CALB2: variants seen among roughly 807,000 people sequenced by gnomAD.
The protein encoded by CALB2 is calbindin 2, also known as calretinin.
Under a neutral mutation model 45.9 loss-of-function variants are expected in CALB2, and 34 were observed. The observed-to-expected ratio is 0.74, with a 90% CI of 0.56 to 0.99. CALB2 has a LOEUF of 0.99. Among genes scored for constraint, CALB2 ranks in the 50% least tolerant of loss-of-function variants. CALB2 has a pLI of 0.00. For synonymous variants in CALB2, 142 were observed against 129.6 expected (o/e 1.10, Z -0.65); for missense variants, 344 against 339.3 (o/e 1.01, Z -0.11).
intron 1 of CALB2, among the ~76,000 whole-genome samples, chr16:71,359,333 C>A (rs2042215090): frequency 6.6e-6 from 1 of 152,156 alleles, no homozygotes; most frequent in African/African-American, 2.4e-5. Flanking sequence ...ATTAGGGGAT[C>A]CTGAAGGGAA....
chr16:71,375,617 T>C (rs1277632099), intron 3 of CALB2, among the ~76,000 whole-genome samples: 1 of 152,172 alleles, frequency 6.6e-6, no homozygotes, highest in African/African-American at 2.4e-5. Flanking sequence ...GGGTATATTG[T>C]TGGGATGCTG....
intron 5 of CALB2, among the ~76,000 whole-genome samples, chr16:71,383,082 C>T (rs981022788): frequency 6.6e-6 from 1 of 152,166 alleles, no homozygotes; most frequent in African/African-American, 2.4e-5. Flanking sequence ...CTGGCTATCA[C>T]CCAGTGATTC....
intron 6 of CALB2, 27 bp downstream of exon 6, chr16:71,383,471 C>T (rs752772941): frequency 6.2e-7 from 1 of 1,608,060 alleles, no homozygotes; most frequent in South Asian, 1.1e-5. Context: ...GTCCCTCTCC[C>T]CCAGGGTGCA....
intron 10 of CALB2, among the ~76,000 whole-genome samples, chr16:71,386,868 CT>C (rs1422579819): frequency 6.6e-6 from 1 of 152,138 alleles, no homozygotes; most frequent in Non-Finnish European, 1.5e-5. Flanking sequence ...TTTATTTCAT[CT>C]TTTTTATTTA....
chr16:71,363,855 G>A (rs184639872), intron 1 of CALB2, among the ~76,000 whole-genome samples: 23 of 152,306 alleles, frequency 1.5e-4, no homozygotes, highest in African/African-American at 5.3e-4. Flanking sequence ...AACAGGGTCC[G>A]ACACTGGGAA....
chr16:71,372,017 C>T (rs887991278), intron 1 of CALB2, 136 bp from the exon 2 acceptor site: 2 of 680,082 alleles, frequency 2.9e-6, no homozygotes, highest in East Asian at 2.6e-5. Flanking sequence ...GACCCACACC[C>T]CTAGCTCCAC....
intron 4 of CALB2, among the ~76,000 whole-genome samples, chr16:71,380,236 C>T (rs1205155623): frequency 1.4e-5 from 2 of 147,750 alleles, no homozygotes; most frequent in Non-Finnish European, 3.0e-5. Flanking sequence ...AGTGGCTTCT[C>T]TCTGTGCAGC....
chr16:71,370,896 T>C (rs2042343090), intron 1 of CALB2, among the ~76,000 whole-genome samples: 1 of 152,126 alleles, frequency 6.6e-6, no homozygotes, highest in African/African-American at 2.4e-5. Flanking sequence ...TAGTAGACCA[T>C]CCAGGCTCAA....
intron 3 of CALB2, among the ~76,000 whole-genome samples, chr16:71,375,300 A>C (rs957215706): frequency 2.6e-5 from 4 of 152,250 alleles, no homozygotes; most frequent in Non-Finnish European, 5.9e-5. Flanking sequence ...CCATGTATAC[A>C]TATATACATT....
At position 71,384,801 on chromosome 16, in the gene CALB2, G is replaced by A. The variant is rs1444838401; in HGVS notation, c.592G>A (p.Glu198Lys). The stretch of plus-strand genomic sequence containing the variant: ...CTTGCAGGGCATGAAGCTGACCTCA[G>A]AGGAGTTTAACGCGATCTTCACATT... ...LKFQGMKLTS[E>K]EFNAIFTFYD... is the part of the protein sequence containing the mutation. Residue 198 changes from glutamate (E) to lysine (K), a missense_variant, in exon 9 of 11, where the codon GAG becomes AAG. By Grantham distance (56) the Glu-to-Lys change is moderately conservative. Coordinates refer to ENST00000302628, the MANE Select transcript of CALB2 (RefSeq NM_001740.5). 1 of 1,578,304 alleles carries A rather than the reference G, an allele frequency of 6.3e-7. No individual in the cohort carries two copies. The highest frequency in any genetic ancestry group is 1.1e-5 in the South Asian group (1 of 88,492).
chr16:71,380,402 G>A (rs1295983096), intron 4 of CALB2, among the ~76,000 whole-genome samples: 8 of 137,084 alleles, frequency 5.8e-5, no homozygotes, highest in Admixed American at 1.7e-4. Flanking sequence ...TCCGCCTCCC[G>A]GGTTCAAGCG....
intron 10 of CALB2, among the ~76,000 whole-genome samples, chr16:71,389,303 G>A (rs774475992): frequency 6.6e-6 from 1 of 152,194 alleles, no homozygotes; most frequent in Non-Finnish European, 1.5e-5. Flanking sequence ...TTCATCACCT[G>A]CAGTGAGCCA....
chr16:71,384,531 TCACACACACAAAACACACACAGAC>T (rs1187877591), intron 8 of CALB2, among the ~76,000 whole-genome samples, 153 bp downstream of exon 8: 2 of 74,792 alleles, frequency 2.7e-5, no homozygotes, highest in Non-Finnish European at 5.4e-5. Flanking sequence ...CACACACAGA[TCACACACACAAAACACACACAGAC>T]CACACACACC....
At chr16:71,359,912 C>A (rs192723113) in intron 1 of CALB2, among the ~76,000 whole-genome samples, 4 of 152,250 alleles carry the variant, frequency 2.6e-5, no homozygotes, top group Non-Finnish European at 1.5e-5. Context: ...TAGCTAATGG[C>A]TCCTGGAGGG....
chr16:71,390,104 TG>T lies in CALB2; in HGVS notation c.*244del. The T allele has an allele frequency of 2.0e-6, 1 of 502,100 alleles. No homozygotes were observed. The highest frequency in any genetic ancestry group is 2.9e-5 in the South Asian group (1 of 33,980). 31.1% of individuals were successfully genotyped at this position (502,100 alleles called of 1,614,324 possible). ...AGTGGATCACACACATGGAAGGTGA[TG>T]GGGGCATGGGTGGAGGGTCCCTAAT... On this transcript the variant is annotated 3_prime_UTR_variant, in exon 11 of 11. Coordinates refer to ENST00000302628, the MANE Select transcript of CALB2 (RefSeq NM_001740.5).
intron 9 of CALB2, 23 bp from the exon 10 acceptor site, chr16:71,385,554 G>T (rs756665863): frequency 6.2e-7 from 1 of 1,613,136 alleles, no homozygotes. Context: ...AGAGCTCTGG[G>T]TTGACTCTGC....
At chr16:71,373,294 C>T (rs1054798278) in intron 2 of CALB2, among the ~76,000 whole-genome samples, 7 of 152,088 alleles carry the variant, frequency 4.6e-5, no homozygotes, top group Admixed American at 1.3e-4. Context: ...ACAAATCCAC[C>T]GGTGAGCTCC....
chr16:71,388,248 C>T (rs548835073), intron 10 of CALB2, among the ~76,000 whole-genome samples: 18 of 150,118 alleles, frequency 1.2e-4, no homozygotes, highest in East Asian at 1.2e-3. Context: ...GCAAAAGGAT[C>T]GCTTGAGCCC....
At chr16:71,384,285 G>A in intron 7 of CALB2, 54 bp from the exon 8 acceptor site, 13 of 1,467,996 alleles carry the variant, frequency 8.9e-6, no homozygotes, top group East Asian at 2.3e-5. Flanking sequence ...CCCCTCTCCC[G>A]CTTGCCCTTG....
Sources: allele counts gnomAD v4.1 joint callset (sites outside exome capture counted in the v4.1 genomes callset), GRCh38; gene constraint gnomAD v4.1.1; transcripts MANE v1.5; gene names NCBI Gene and HGNC (gene_info 2026-07-23, HGNC 2026-07-21).